Variants in LILRA1 observed in about 807,000 individuals in gnomAD.
LILRA1 encodes leukocyte immunoglobulin-like receptor subfamily A member 1.
A neutral mutation model predicts 51.6 loss-of-function variants in LILRA1; 51 were observed. That is an observed-to-expected ratio of 0.99 (90% CI 0.79 to 1.25). The LOEUF (loss-of-function observed/expected upper bound fraction) is 1.25. Ranked by LOEUF, LILRA1 falls within the 50% of genes most tolerant of loss-of-function variation. The pLI is 0.00. For missense variants in LILRA1, 660 were observed against 611.7 expected (o/e 1.08, Z -0.83); for synonymous variants, 305 against 248.4 (o/e 1.23, Z -2.14).
rs770627759 is a variant in LILRA1, at chr19:54,594,704, C to T, written c.110C>T (p.Ser37Phe). The T allele has an allele frequency of 6.2e-7, 1 of 1,613,726 alleles. No individual in the cohort carries two copies. The highest frequency in any genetic ancestry group is 8.5e-7 in the Non-Finnish European group (1 of 1,179,816). The change falls in exon 4 of 10, where the codon TCT becomes TTT. Residue 37 changes from serine to phenylalanine, a missense_variant. By Grantham distance (155) the Ser-to-Phe change is radical (BLOSUM62 -2). Transcript: ENST00000251372. Reference sequence around the variant, plus strand: ...CCCACACTCTGGGCTGAGCCAGGCTCTGTGATCACCCAGGGGAGTCCCGTG... The same window carrying T: ...CCCACACTCTGGGCTGAGCCAGGCTTTGTGATCACCCAGGGGAGTCCCGTG... ...PKPTLWAEPGSVITQGSPVTL... is the reference protein window; with the variant it reads ...PKPTLWAEPGFVITQGSPVTL...
chr19:54,594,558 T>C (rs2062981077), intron 3 of LILRA1, 82 bp downstream of exon 3: 6 of 1,613,704 alleles, frequency 3.7e-6, no homozygotes, highest in African/African-American at 1.3e-5. Context: ...GGATGGGGAA[T>C]AGCAGTTCTG....
chr19:54,598,309 T>C (rs2063101328), intron 7 of LILRA1, among the ~76,000 whole-genome samples: 1 of 152,220 alleles, frequency 6.6e-6, no homozygotes, highest in Non-Finnish European at 1.5e-5. Flanking sequence ...CTTGATTTAA[T>C]TTATATATTC....
chr19:54,596,333 G>T lies in LILRA1; in HGVS notation c.1103G>T (p.Arg368Leu), dbSNP rs139338661. Reference sequence around the variant, plus strand: ...GCGGGAGCAGCTGATGCCCCCCTCCGTCTCAGATCAATACACGAATATCCT... The same window carrying T: ...GCGGGAGCAGCTGATGCCCCCCTCCTTCTCAGATCAATACACGAATATCCT... ...TKAGAADAPL[R>L]LRSIHEYPKY... The change falls in exon 7 of 10, where the codon CGT (arginine) becomes CTT (leucine). Residue 368 changes from arginine (R) to leucine (L), a missense_variant. Arg to Leu is a moderately radical substitution (Grantham distance 102). Transcript: ENST00000251372. The T allele has an allele frequency of 6.2e-7, 1 of 1,613,934 alleles. No homozygotes were observed. Among genetic ancestry groups the T allele is most frequent in the South Asian group, 1.1e-5 (1 of 91,080 alleles).
Position 54,593,716 on chromosome 19 carries a change from T to A in LILRA1, c.-114T>A, listed in dbSNP as rs2062955936. ...CGAGATGCTTCTCTGCTGATCTGAG[T>A]CTGCCTGCAGCATGGACCTTGGTCT... On this transcript the variant is annotated 5_prime_UTR_variant, in exon 1 of 10. Transcript: ENST00000251372. 15 of 582,016 alleles carry A rather than the reference T, an allele frequency of 2.6e-5. No homozygotes were observed. In the Admixed American group the frequency reaches 3.5e-4, roughly 14 times the overall value. 36.1% of individuals were successfully genotyped at this position (582,016 alleles called of 1,614,324 possible).
chr19:54,597,113 G>C (rs2063075833), intron 7 of LILRA1, among the ~76,000 whole-genome samples: 1 of 152,238 alleles, frequency 6.6e-6, no homozygotes, highest in East Asian at 1.9e-4. Context: ...CTCAGAATCA[G>C]AGCCTCTGGG....
In LILRA1 at chr19:54,594,277, C is replaced by T; in HGVS notation, c.33C>T (p.Leu11=). 1.2e-6 allele frequency: 2 copies of T among 1,612,402 alleles called. No individual in the cohort carries two copies. Among genetic ancestry groups the T allele is most frequent in the Non-Finnish European group, 1.7e-6 (2 of 1,179,440 alleles). MTPIVTVLIC[L]RLSLGPRTHV... Reference sequence around the variant, plus strand: ...CCATCGTCACAGTCCTGATCTGTCTCAGTGAGATTTGAAGAGGGAGGGGAG... The same window carrying T: ...CCATCGTCACAGTCCTGATCTGTCTTAGTGAGATTTGAAGAGGGAGGGGAG... Residue 11 remains leucine (L), a splice_region_variant and synonymous_variant, in exon 2 of 10, where the codon CTC becomes CTT. Transcript: ENST00000251372.
intron 7 of LILRA1, 21 bp downstream of exon 7, chr19:54,596,512 C>G (rs371039903): frequency 3.4e-5 from 55 of 1,613,812 alleles, no homozygotes; most frequent in Non-Finnish European, 4.4e-5. Context: ...TGACCCTGTC[C>G]TCTCCGAGCT....
rs34058364 is a variant in LILRA1, at chr19:54,595,871, C to T, written c.894C>T (p.Ser298=). Residue 298 remains serine, a synonymous_variant, in exon 6 of 10, where the codon TCC becomes TCT. Coordinates refer to ENST00000251372, the MANE Select transcript of LILRA1 (RefSeq NM_006863.4). ...SRSYGGQYRC[S]GAYNLSSEWS... ...CCTACGGGGGCCAGTACAGATGCTC[C>T]GGTGCATACAACCTCTCCTCCGAGT... The T allele has an allele frequency of 0.075, 110,920 of 1,476,104 alleles. 2,241 individuals carry two copies. The highest frequency in any genetic ancestry group is 0.35 in the African/African-American group (22,853 of 65,978). 91.4% of individuals were successfully genotyped at this position (1,476,104 alleles called of 1,614,324 possible).
chr19:54,599,305 G>T lies in LILRA1; in HGVS notation c.1312+19G>T. Reference sequence around the variant, plus strand: ...AAGGCTGGTGAGTGAGGAGATGCTTGCCGTGATGACGCTGGGCACAGAGGG... The same window carrying T: ...AAGGCTGGTGAGTGAGGAGATGCTTTCCGTGATGACGCTGGGCACAGAGGG... On this transcript the variant is annotated intron_variant, in intron 8 of 9. Coordinates refer to ENST00000251372, the MANE Select transcript of LILRA1 (RefSeq NM_006863.4). 3 of 1,559,554 alleles carry T rather than the reference G, an allele frequency of 1.9e-6. No individual in the cohort carries two copies. In the South Asian group the frequency reaches 3.3e-5, roughly 17 times the overall value.
At chr19:54,599,190 T>C in intron 7 of LILRA1, 46 bp from the exon 8 acceptor site, 3 of 1,507,340 alleles carry the variant, frequency 2.0e-6, no homozygotes, top group Non-Finnish European at 2.7e-6. Flanking sequence ...ATTTGTTATA[T>C]AAGTTACCTC....
chr19:54,599,282 G>C lies in LILRA1; in HGVS notation c.1308G>C (p.Lys436Asn). ...CACCACAAAACAAGTCCGATTCCAA[G>C]GCTGGTGAGTGAGGAGATGCTTGCC... ...LSPPQNKSDSKAGAANTLSPS... is the reference protein window; with the variant it reads ...LSPPQNKSDSNAGAANTLSPS... Residue 436 changes from lysine to asparagine, a missense_variant, in exon 8 of 10, where the codon AAG (lysine) becomes AAC (asparagine). Physicochemically the swap from Lys to Asn is moderately conservative, Grantham distance 94 (BLOSUM62 0). Coordinates refer to ENST00000251372, the MANE Select transcript of LILRA1 (RefSeq NM_006863.4). The C allele has an allele frequency of 6.4e-7, 1 of 1,569,854 alleles. No homozygotes were observed. The highest frequency in any genetic ancestry group is 8.7e-7 in the Non-Finnish European group (1 of 1,152,790).
chr19:54,595,456 G>A, intron 5 of LILRA1, 54 bp downstream of exon 5: 2 of 1,564,554 alleles, frequency 1.3e-6, no homozygotes, highest in Non-Finnish European at 1.7e-6. Context: ...GAGTCTCCAG[G>A]CAGGTGGGGA....
At position 54,602,194 on chromosome 19, in the gene LILRA1, GC is replaced by G. The variant is rs576316870; in HGVS notation, c.*1379del. ...CTAGAATAAAGAAATCTTATCATTC[GC>G]CATCTACCCTCTAGAATAAAGAAAT... On this transcript the variant is annotated 3_prime_UTR_variant, in exon 10 of 10. Coordinates refer to ENST00000251372, the MANE Select transcript of LILRA1 (RefSeq NM_006863.4). 25 of 128,112 alleles carry G rather than the reference GC, an allele frequency of 2.0e-4. No homozygotes were observed. The East Asian group carries it at 5.0e-3, about 26-fold the overall frequency. 7.9% of individuals were successfully genotyped at this position (128,112 alleles called of 1,614,324 possible).
chr19:54,600,537 A>G lies in LILRA1; in HGVS notation c.1338A>G (p.Ser446=), dbSNP rs61737949. 7 of 1,613,964 alleles carry G rather than the reference A, an allele frequency of 4.3e-6. No individual in the cohort carries two copies. In the African/African-American group the frequency reaches 9.4e-5, roughly 22 times the overall value. ...GAGCAGCTAACACCCTCAGCCCATC[A>G]CAAAACAAGACTGGTGAGTGAGGAG... ...KAGAANTLSP[S]QNKTASHPQD... is the part of the protein sequence containing the mutation. The change falls in exon 9 of 10, where the codon TCA becomes TCG. Residue 446 remains serine, a synonymous_variant. Coordinates refer to ENST00000251372, the MANE Select transcript of LILRA1 (RefSeq NM_006863.4).
At position 54,595,861 on chromosome 19, in the gene LILRA1, A is replaced by G. The variant is rs1267266416; in HGVS notation, c.884A>G (p.Tyr295Cys). 4 of 1,614,032 alleles carry G rather than the reference A, an allele frequency of 2.5e-6. No individual in the cohort carries two copies. In the South Asian group the frequency reaches 4.4e-5, roughly 18 times the overall value. The change falls in exon 6 of 10, where the codon TAC becomes TGC. Residue 295 changes from tyrosine to cysteine, a missense_variant. Tyr to Cys is a radical substitution (Grantham distance 194). Transcript: ENST00000251372. ...GPVSRSYGGQ[Y>C]RCSGAYNLSS... ...GTGAGCCGCTCCTACGGGGGCCAGT[A>G]CAGATGCTCCGGTGCATACAACCTC...
At chr19:54,596,626 G>T in intron 7 of LILRA1, 135 bp downstream of exon 7, 5 of 1,261,494 alleles carry the variant, frequency 4.0e-6, no homozygotes, top group Non-Finnish European at 5.5e-6. Context: ...CCAGCACTTT[G>T]GGAGGCCCAG....
In LILRA1 at chr19:54,600,737, C is replaced by A; in HGVS notation, c.1390C>A (p.Arg464Ser). Residue 464 changes from arginine (R) to serine (S), a missense_variant, in exon 10 of 10, where the codon CGC becomes AGC. Arg to Ser is a moderately radical substitution (Grantham distance 110, BLOSUM62 -1). Coordinates refer to ENST00000251372, the MANE Select transcript of LILRA1 (RefSeq NM_006863.4). Reference sequence around the variant, plus strand: ...GGATTACACAGTGGAGAATCTCATCCGCATGGGCATAGCTGGCTTGGTCCT... The same window carrying A: ...GGATTACACAGTGGAGAATCTCATCAGCATGGGCATAGCTGGCTTGGTCCT... ...PQDYTVENLI[R>S]MGIAGLVLVV... 6.2e-7 allele frequency: 1 copy of A among 1,614,050 alleles called. No individual in the cohort carries two copies. Among genetic ancestry groups the A allele is most frequent in the Non-Finnish European group, 8.5e-7 (1 of 1,179,998 alleles).
rs1333148798 is a variant in LILRA1 at position 54,595,712 on chromosome 19, G to T, written c.735G>T (p.Gln245His). The change falls in exon 6 of 10, where the codon CAG (glutamine) becomes CAT (histidine). Residue 245 changes from glutamine (Q) to histidine (H), a missense_variant. Physicochemically the swap from Gln to His is conservative, Grantham distance 24. Transcript: ENST00000251372. ...IVAPGESLTL[Q>H]CVSDVSYDRF... ...CCCCTGGGGAGAGCCTGACCCTCCA[G>T]TGTGTTTCTGATGTCAGCTACGACA... 4.3e-6 allele frequency: 7 copies of T among 1,613,964 alleles called. No individual in the cohort carries two copies. Among genetic ancestry groups the T allele is most frequent in the Non-Finnish European group, 5.9e-6 (7 of 1,179,966 alleles).
intron 3 of LILRA1, 54 bp downstream of exon 3, chr19:54,594,530 C>A: frequency 6.2e-7 from 1 of 1,613,958 alleles, no homozygotes; most frequent in Non-Finnish European, 8.5e-7. Flanking sequence ...GGACAAGGGG[C>A]CACCCCCGTG....
Sources: gnomAD v4.1 joint callset for allele counts (sites outside exome capture counted in the v4.1 genomes callset) on GRCh38, gnomAD v4.1.1 for gene constraint, MANE v1.5 for transcripts, NCBI Gene and HGNC (gene_info 2026-07-23, HGNC 2026-07-21) for gene names.